LRBA: variants seen among roughly 807,000 people sequenced by gnomAD.
LRBA encodes the protein lipopolysaccharide-responsive and beige-like anchor protein.
A neutral mutation model predicts 330.0 loss-of-function variants in LRBA; 176 were observed. The observed-to-expected ratio is 0.53, with a 90% CI of 0.47 to 0.60. The LOEUF (loss-of-function observed/expected upper bound fraction) is 0.60, where lower values mean the gene tolerates loss of function less well. Among genes scored for constraint, LRBA ranks in the 20% least tolerant of loss-of-function variants. The probability of loss-of-function intolerance (pLI) is 0.00; values close to 1 mark genes in which losing one functional copy is unlikely to be tolerated. For synonymous variants in LRBA, 1,230 were observed against 1,193.0 expected, an observed-to-expected ratio of 1.03 and a Z score of -0.64; for missense variants, 3,259 against 3,444.8, an observed-to-expected ratio of 0.95 and a Z score of 1.35.
At chr4:150,977,718 T>C (rs900363448) in intron 2 of LRBA, among the ~76,000 whole-genome samples, 2 of 152,136 alleles carry the variant, frequency 1.3e-5, no homozygotes, top group African/African-American at 4.8e-5. Context: ...ACAAGCTAAC[T>C]GAAGAGTCCT....
intron 11 of LRBA, 27 bp from the exon 12 acceptor site, chr4:150,906,432 T>TA (rs749507205): frequency 9.2e-6 from 11 of 1,197,438 alleles, no homozygotes; most frequent in Middle Eastern, 1.9e-4. Flanking sequence ...AGGCGATGAT[T>TA]AAAAAAACAT....
intron 2 of LRBA, among the ~76,000 whole-genome samples, chr4:150,941,361 CAGGCTGG>C: frequency 6.6e-6 from 1 of 152,012 alleles, no homozygotes; most frequent in Non-Finnish European, 1.5e-5. Context: ...CCATTTTGGC[CAGGCTGG>C]TCTCAAACTC....
intron 37 of LRBA, among the ~76,000 whole-genome samples, chr4:150,660,940 G>A (rs1275710710): frequency 9.3e-5 from 11 of 117,728 alleles, no homozygotes; most frequent in East Asian, 7.0e-4. Flanking sequence ...GCGGAAGGCC[G>A]CAGGGTCCTC....
intron 2 of LRBA, among the ~76,000 whole-genome samples, chr4:150,953,830 G>C (rs1279511541): frequency 6.7e-6 from 1 of 149,972 alleles, no homozygotes; most frequent in Non-Finnish European, 1.5e-5. Flanking sequence ...CCCATCATCT[G>C]GGATGTGAGG....
intron 40 of LRBA, among the ~76,000 whole-genome samples, chr4:150,537,748 G>T (rs927004086): frequency 6.6e-6 from 1 of 152,100 alleles, no homozygotes. Context: ...GTCAGCAGTT[G>T]CTCAGGACCA....
chr4:150,722,968 A>G (rs930778720), intron 36 of LRBA, among the ~76,000 whole-genome samples: 2 of 152,066 alleles, frequency 1.3e-5, no homozygotes, highest in Non-Finnish European at 2.9e-5. Context: ...CAAAGAATAA[A>G]GCTATGCTGG....
At chr4:150,579,640 G>C (rs1341550274) in intron 40 of LRBA, 1 of 456,558 alleles carries the variant, frequency 2.2e-6, no homozygotes. Context: ...AGAAAACTTA[G>C]CCGAGCTTGA....
At chr4:151,010,336 T>C (rs1288606725) in intron 2 of LRBA, among the ~76,000 whole-genome samples, 3 of 152,222 alleles carry the variant, frequency 2.0e-5, no homozygotes, top group African/African-American at 7.2e-5. Flanking sequence ...TTAATTATTC[T>C]GGGTCTAAAA....
intron 30 of LRBA, among the ~76,000 whole-genome samples, chr4:150,820,804 CAG>C: frequency 6.6e-6 from 1 of 152,090 alleles, no homozygotes; most frequent in South Asian, 2.1e-4. Context: ...AAATCTTCAA[CAG>C]AGATCTTTAA....
At chr4:150,353,534 A>G (rs1737436814) in intron 47 of LRBA, among the ~76,000 whole-genome samples, 1 of 152,126 alleles carries the variant, frequency 6.6e-6, no homozygotes, top group Non-Finnish European at 1.5e-5. Flanking sequence ...GAACTGTTGA[A>G]TTTTCCTTAC....
intron 2 of LRBA, among the ~76,000 whole-genome samples, chr4:151,011,014 C>T (rs1414573153): frequency 2.6e-4 from 39 of 151,830 alleles, no homozygotes; most frequent in African/African-American, 8.5e-4. Flanking sequence ...GGTGAAACCC[C>T]GTCTCTACTA....
At chr4:150,748,628 T>G (rs1195108157) in intron 35 of LRBA, among the ~76,000 whole-genome samples, 1 of 150,418 alleles carries the variant, frequency 6.6e-6, no homozygotes, top group Non-Finnish European at 1.5e-5. Context: ...GATCACACCA[T>G]TGCACTCCAG....
chr4:150,659,092 C>A (rs1475544072), intron 37 of LRBA, among the ~76,000 whole-genome samples: 2 of 137,334 alleles, frequency 1.5e-5, no homozygotes, highest in Non-Finnish European at 3.2e-5. Flanking sequence ...AGCCGCCTGC[C>A]TTGGCCTCCC....
intron 2 of LRBA, among the ~76,000 whole-genome samples, chr4:150,980,335 A>G (rs894533795): frequency 6.6e-6 from 1 of 152,246 alleles, no homozygotes; most frequent in African/African-American, 2.4e-5. Context: ...CCTCAACATA[A>G]TAAAAGCCAT....
At chr4:150,953,804 C>T (rs1230563485) in intron 2 of LRBA, among the ~76,000 whole-genome samples, 4 of 151,522 alleles carry the variant, frequency 2.6e-5, no homozygotes, top group Non-Finnish European at 4.4e-5. Flanking sequence ...AAGTGAGAAG[C>T]GTCTCTGCCC....
At chr4:150,503,742 G>A (rs1428611762) in intron 40 of LRBA, among the ~76,000 whole-genome samples, 1 of 152,198 alleles carries the variant, frequency 6.6e-6, no homozygotes, top group African/African-American at 2.4e-5. Context: ...GCTGGACGGA[G>A]AATGACTTTG....
At chr4:150,868,040 TG>T in intron 21 of LRBA, 141 bp downstream of exon 21, 1 of 935,818 alleles carries the variant, frequency 1.1e-6, no homozygotes, top group Non-Finnish European at 1.6e-6. Flanking sequence ...CTTAACTATG[TG>T]GTACATTATT....
chr4:150,710,081 T>C (rs542688083), intron 36 of LRBA, among the ~76,000 whole-genome samples: 2 of 151,918 alleles, frequency 1.3e-5, no homozygotes, highest in African/African-American at 2.4e-5. Flanking sequence ...AGAAAGAAAA[T>C]ATAGGTGGGG....
At chr4:150,822,757 T>A (rs1474529151) in intron 30 of LRBA, among the ~76,000 whole-genome samples, 1 of 151,912 alleles carries the variant, frequency 6.6e-6, no homozygotes, top group Non-Finnish European at 1.5e-5. Context: ...GTCTCAAAAA[T>A]AAAATAAATA....
Sources: allele counts gnomAD v4.1 joint callset (sites outside exome capture counted in the v4.1 genomes callset), GRCh38; gene constraint gnomAD v4.1.1; transcripts MANE v1.5; gene names NCBI Gene and HGNC (gene_info 2026-07-23, HGNC 2026-07-21).